The following MUC17 variants were observed in gnomAD, a reference collection of about 807,000 sequenced individuals.
The protein encoded by MUC17 is mucin-17.
Under a neutral mutation model 170.3 loss-of-function variants are expected in MUC17, and 190 were observed. The ratio of observed to expected loss-of-function variants is 1.12; its 90% CI spans 0.99 to 1.26. The LOEUF is 1.26. MUC17 is among the 50% of genes most tolerant of loss of function. The pLI, the probability that MUC17 is intolerant of heterozygous loss-of-function variation, is 0.00. For synonymous variants in MUC17, 2,325 were observed against 2,002.5 expected, an observed-to-expected ratio of 1.16 and a Z score of -4.30; for missense variants, 6,415 against 5,530.0, an observed-to-expected ratio of 1.16 and a Z score of -5.08.
chr7:101,051,255 C>T (rs1490485333), intron 7 of MUC17, among the ~76,000 whole-genome samples: 4 of 148,188 alleles, frequency 2.7e-5, no homozygotes, highest in Non-Finnish European at 5.9e-5. Context: ...GTTCTAGCTA[C>T]TTGGGAGGCT....
In MUC17 at chr7:101,034,930, G is replaced by A. The variant is rs1397211583; in HGVS notation, c.3514G>A (p.Val1172Met). Residue 1172 changes from valine to methionine, a missense_variant, in exon 3 of 13, where the codon GTG (valine) becomes ATG (methionine). Transcript: ENST00000306151. Reference sequence around the variant, plus strand: ...AAGTATGCCTGTCAGCACCACGCTGGTGGTCAGTTCTGAGGCTAACACCCT... The same window carrying A: ...AAGTATGCCTGTCAGCACCACGCTGATGGTCAGTTCTGAGGCTAACACCCT... The part of the protein sequence containing the change: ...LASMPVSTTL[V>M]VSSEANTLST... The A allele has an allele frequency of 4.3e-6, 7 of 1,614,166 alleles. No homozygotes were observed. Among genetic ancestry groups the A allele is most frequent in the Non-Finnish European group, 5.9e-6 (7 of 1,180,014 alleles).
At chr7:101,023,105 G>C (rs1584853884) in intron 1 of MUC17, among the ~76,000 whole-genome samples, 1 of 152,236 alleles carries the variant, frequency 6.6e-6, no homozygotes. Flanking sequence ...CCTGGTTGCG[G>C]GTGGTTGGTG....
At position 101,043,264 on chromosome 7, in the gene MUC17, A is replaced by G. The variant is rs762878504; in HGVS notation, c.11848A>G (p.Thr3950Ala). 27 of 1,614,030 alleles carry G rather than the reference A, an allele frequency of 1.7e-5. No homozygotes were observed. Among genetic ancestry groups the G allele is most frequent in the Non-Finnish European group, 1.7e-5 (20 of 1,180,038 alleles). ...FIPSTPVTSS[T>A]ADVFPATTGA... ...TCCCAGCACTCCTGTCACCAGTTCT[A>G]CTGCTGATGTCTTTCCTGCAACAAC... is the stretch of plus-strand genomic sequence containing the variant. Residue 3950 changes from threonine (T) to alanine (A), a missense_variant, in exon 3 of 13, where the codon ACT becomes GCT. Thr to Ala is a moderately conservative substitution (Grantham distance 58). Transcript: ENST00000306151.
rs749877975 is a variant in MUC17, at chr7:101,035,166, G to A, written c.3750G>A (p.Val1250=). The change falls in exon 3 of 13, where the codon GTG becomes GTA. Residue 1250 remains valine, a synonymous_variant. Transcript: ENST00000306151. ...STSPVDTSTP[V]TTSAETSSSP... ...CTCCCGTTGACACCAGCACACCTGTGACCACTTCTGCTGAAACCAGTTCCT... is the reference window on the plus strand; with the variant it reads ...CTCCCGTTGACACCAGCACACCTGTAACCACTTCTGCTGAAACCAGTTCCT... 1.2e-6 allele frequency: 2 copies of A among 1,610,768 alleles called. No individual in the cohort carries two copies. The highest frequency in any genetic ancestry group is 2.7e-5 in the African/African-American group (2 of 74,692).
Position 101,038,044 on chromosome 7 carries a change from A to C in MUC17, c.6628A>C (p.Met2210Leu), listed in dbSNP as rs1016884814. The change falls in exon 3 of 13, where the codon ATG (methionine) becomes CTG (leucine). Residue 2210 changes from methionine (M) to leucine (L), a missense_variant. Coordinates refer to ENST00000306151, the MANE Select transcript of MUC17 (RefSeq NM_001040105.2). ...SSPTTSEGTS[M>L]PTSTPSEGST... ...TCCTACAACTTCTGAAGGTACCAGCATGCCAACCTCAACTCCTAGTGAAGG... is the reference window on the plus strand; with the variant it reads ...TCCTACAACTTCTGAAGGTACCAGCCTGCCAACCTCAACTCCTAGTGAAGG... 3 of 1,407,402 alleles carry C rather than the reference A, an allele frequency of 2.1e-6. No individual in the cohort carries two copies. Among genetic ancestry groups the C allele is most frequent in the African/African-American group, 2.9e-5 (2 of 68,914 alleles). The allele number at this position is 1,407,402 out of a possible 1,614,324, so 87.2% of individuals were successfully genotyped here. A position where few individuals can be genotyped will look rare whatever the true frequency, so the allele number is the denominator to read the frequency against.
At chr7:101,024,923 G>A (rs980884948) in intron 1 of MUC17, among the ~76,000 whole-genome samples, 1 of 151,738 alleles carries the variant, frequency 6.6e-6, no homozygotes, top group East Asian at 1.9e-4. Context: ...AGCATTTTGG[G>A]AGGCTGGCAC....
rs755194051 is a variant in MUC17 at position 101,039,442 on chromosome 7, A to T, written c.8026A>T (p.Thr2676Ser). 1.2e-6 allele frequency: 2 copies of T among 1,610,602 alleles called. No individual in the cohort carries two copies. Among genetic ancestry groups the T allele is most frequent in the Non-Finnish European group, 8.5e-7 (1 of 1,178,716 alleles). The change falls in exon 3 of 13, where the codon ACT becomes TCT. Residue 2676 changes from threonine (T) to serine (S), a missense_variant. Coordinates refer to ENST00000306151, the MANE Select transcript of MUC17 (RefSeq NM_001040105.2). ...TSTGTSSSPT[T>S]AEGSSMPTST... is the part of the protein sequence containing the mutation. ...CACTGGAACCAGTTCATCTCCTACAACTGCTGAAGGTAGCAGCATGCCAAC... is the reference window on the plus strand; with the variant it reads ...CACTGGAACCAGTTCATCTCCTACATCTGCTGAAGGTAGCAGCATGCCAAC...
rs772408446 is a variant in MUC17 at position 101,043,365 on chromosome 7, A to G, written c.11949A>G (p.Thr3983=). 1.2e-6 allele frequency: 2 copies of G among 1,614,172 alleles called. No homozygotes were observed. The highest frequency in any genetic ancestry group is 1.7e-6 in the Non-Finnish European group (2 of 1,180,040). ...CAACCTCCAGTAGTAGTACCACCAC[A>G]TCTTTTTCAACTACTAAGGAATTTA... ...TPSTSSSSTT[T]SFSTTKEFTT... Residue 3983 remains threonine (T), a synonymous_variant, in exon 3 of 13, where the codon ACA becomes ACG. Coordinates refer to ENST00000306151, the MANE Select transcript of MUC17 (RefSeq NM_001040105.2).
rs778813724 is a variant in MUC17, at chr7:101,038,315, C to T, written c.6899C>T (p.Ser2300Leu). 98 of 1,613,546 alleles carry T rather than the reference C, an allele frequency of 6.1e-5. No individual in the cohort carries two copies. The highest frequency in any genetic ancestry group is 8.1e-5 in the Non-Finnish European group (96 of 1,179,676). Residue 2300 changes from serine to leucine, a missense_variant, in exon 3 of 13, where the codon TCA (serine) becomes TTA (leucine). Ser to Leu is a moderately radical substitution (Grantham distance 145). Transcript: ENST00000306151. Reference protein sequence around the residue: ...LVANSEVSTLSTTPVDSNTPF... With the variant: ...LVANSEVSTLLTTPVDSNTPF... ...GCCAATTCTGAGGTTAGCACCCTTT[C>T]AACAACTCCTGTTGACTCCAACACT...
At chr7:101,049,113 G>A (rs751025201) in intron 5 of MUC17, 141 bp downstream of exon 5, 13 of 1,436,046 alleles carry the variant, frequency 9.1e-6, no homozygotes, top group South Asian at 3.8e-5. Flanking sequence ...GGGCTTGCCA[G>A]TGCAGGAGGG....
rs1197416913 is a variant in MUC17, at chr7:101,039,922, G to A, written c.8506G>A (p.Asp2836Asn). 2 of 1,613,540 alleles carry A rather than the reference G, an allele frequency of 1.2e-6. No individual in the cohort carries two copies. The highest frequency in any genetic ancestry group is 8.5e-7 in the Non-Finnish European group (1 of 1,179,800). ...EAGTLSTTPV[D>N]TSTPVTTSTK... is the part of the protein sequence containing the mutation. ...TGGCACCCTTTCAACAACTCCTGTT[G>A]ACACCAGCACACCTGTGACCACTTC... Residue 2836 changes from aspartate (D) to asparagine (N), a missense_variant, in exon 3 of 13, where the codon GAC (aspartate) becomes AAC (asparagine). By Grantham distance (23) the Asp-to-Asn change is conservative. Coordinates refer to ENST00000306151, the MANE Select transcript of MUC17 (RefSeq NM_001040105.2).
At chr7:101,024,649 C>T (rs535134303) in intron 1 of MUC17, among the ~76,000 whole-genome samples, 1 of 151,794 alleles carries the variant, frequency 6.6e-6, no homozygotes, top group East Asian at 1.9e-4. Context: ...CAATCTATTT[C>T]TCTGTAATTG....
chr7:101,030,668 A>G (rs549527270), intron 1 of MUC17, among the ~76,000 whole-genome samples: 94 of 152,244 alleles, frequency 6.2e-4, no homozygotes, highest in Non-Finnish European at 1.2e-3. Flanking sequence ...TCCTGGGCTC[A>G]AGTGATCCTC....
chr7:101,052,969 C>T lies in MUC17; in HGVS notation c.13104-17C>T. On this transcript the variant is annotated splice_polypyrimidine_tract_variant and intron_variant, in intron 9 of 12. Transcript: ENST00000306151. ...TCCGTTCTCTCTCCCCAACCTGCCG[C>T]TTCTCTCCCATCTCAGCTGCGTGAC... The T allele has an allele frequency of 6.2e-7, 1 of 1,607,716 alleles. No homozygotes were observed. The highest frequency in any genetic ancestry group is 8.5e-7 in the Non-Finnish European group (1 of 1,176,178).
Position 101,040,932 on chromosome 7 carries a change from C to T in MUC17, c.9516C>T (p.Ser3172=), listed in dbSNP as rs780046894. 3.7e-6 allele frequency: 6 copies of T among 1,613,640 alleles called. No individual in the cohort carries two copies. The highest frequency in any genetic ancestry group is 2.2e-5 in the South Asian group (2 of 91,052). The change falls in exon 3 of 13, where the codon AGC becomes AGT. Residue 3172 remains serine (S), a synonymous_variant. Coordinates refer to ENST00000306151, the MANE Select transcript of MUC17 (RefSeq NM_001040105.2). ...CTCCATTAACATATATGCCTGTCAG[C>T]ACCATGCTGGTAGTCAGTTCTGAGG... ...GSTPLTYMPV[S]TMLVVSSEDS...
rs113525079 is a variant in MUC17 at position 101,032,756 on chromosome 7, C to T, written c.1340C>T (p.Pro447Leu). The T allele has an allele frequency of 1.0e-4, 163 of 1,612,622 alleles. No homozygotes were observed. The African/African-American group carries it at 1.7e-3, about 17-fold the overall frequency. ...AEDTSIATST[P>L]SEGSTPLTSM... is the part of the protein sequence containing the mutation. ...GATACCAGCATTGCAACCTCAACTCCTAGTGAAGGAAGCACTCCATTAACA... is the reference window on the plus strand; with the variant it reads ...GATACCAGCATTGCAACCTCAACTCTTAGTGAAGGAAGCACTCCATTAACA... Residue 447 changes from proline to leucine, a missense_variant, in exon 3 of 13, where the codon CCT (proline) becomes CTT (leucine). Pro to Leu is a moderately conservative substitution (Grantham distance 98). Transcript: ENST00000306151.
Position 101,035,114 on chromosome 7 carries a change from G to C in MUC17, c.3698G>C (p.Ser1233Thr). Residue 1233 changes from serine to threonine, a missense_variant, in exon 3 of 13, where the codon AGT (serine) becomes ACT (threonine). Transcript: ENST00000306151. ...CCTGTCAGACACACGCCAGTGGCCA[G>C]TTCTGAGGCTAGCACCCTTTCAACA... ...SMPVRHTPVASSEASTLSTSP... is the reference protein window; with the variant it reads ...SMPVRHTPVATSEASTLSTSP... 6.2e-7 allele frequency: 1 copy of C among 1,612,070 alleles called. No homozygotes were observed. The highest frequency in any genetic ancestry group is 2.2e-5 in the East Asian group (1 of 44,624).
chr7:101,024,547 G>A (rs1025865947), intron 1 of MUC17, among the ~76,000 whole-genome samples: 3 of 152,142 alleles, frequency 2.0e-5, no homozygotes, highest in African/African-American at 7.2e-5. Context: ...TGGCCCTCCA[G>A]TGGGGAGGTA....
chr7:101,042,350 C>G lies in MUC17; in HGVS notation c.10934C>G (p.Thr3645Arg). The change falls in exon 3 of 13, where the codon ACA becomes AGA. Residue 3645 changes from threonine (T) to arginine (R), a missense_variant. By Grantham distance (71) the Thr-to-Arg change is moderately conservative (BLOSUM62 -1). Coordinates refer to ENST00000306151, the MANE Select transcript of MUC17 (RefSeq NM_001040105.2). Reference sequence around the variant, plus strand: ...TTAACCATTATGCCTGTCAGCACCACATCGGTGACCATTTCTGAGGCTGGC... The same window carrying G: ...TTAACCATTATGCCTGTCAGCACCAGATCGGTGACCATTTCTGAGGCTGGC... ...TPLTIMPVST[T>R]SVTISEAGTA... is the part of the protein sequence containing the mutation. The G allele has an allele frequency of 1.2e-6, 2 of 1,614,186 alleles. No homozygotes were observed. Among genetic ancestry groups the G allele is most frequent in the Non-Finnish European group, 1.7e-6 (2 of 1,179,998 alleles).
Sources: allele counts gnomAD v4.1 joint callset (sites outside exome capture counted in the v4.1 genomes callset), GRCh38; gene constraint gnomAD v4.1.1; transcripts MANE v1.5; gene names NCBI Gene and HGNC (gene_info 2026-07-23, HGNC 2026-07-21).